The following NCAPG2 variants were observed in gnomAD, a reference collection of about 807,000 sequenced individuals.
NCAPG2 encodes the protein condensin-2 complex subunit G2.
In NCAPG2, 53 loss-of-function variants were observed where a neutral mutation model predicts 141.1. The ratio of observed to expected loss-of-function variants is 0.38; its 90% CI spans 0.30 to 0.47. NCAPG2 has a LOEUF of 0.47. Ranked by LOEUF, NCAPG2 falls within the 20% of genes least tolerant of loss-of-function variation. The pLI is 0.99. For missense variants in NCAPG2, 1,087 were observed against 1,389.0 expected (o/e 0.78, Z 3.46); for synonymous variants, 499 against 490.7 (o/e 1.02, Z -0.22).
chr7:158,666,791 AGAC>A (rs1388761809), intron 13 of NCAPG2, among the ~76,000 whole-genome samples: 1 of 152,122 alleles, frequency 6.6e-6, no homozygotes, highest in African/African-American at 2.4e-5. Flanking sequence ...AATAAAAAGA[AGAC>A]AATGCATTGA....
intron 16 of NCAPG2, among the ~76,000 whole-genome samples, chr7:158,660,479 G>C (rs569955349): frequency 7.2e-6 from 1 of 139,528 alleles, no homozygotes; most frequent in African/African-American, 2.7e-5. Context: ...GAGTGCAGTA[G>C]TATGATCACA....
chr7:158,673,600 T>C (rs1237429314), intron 12 of NCAPG2, among the ~76,000 whole-genome samples: 1 of 152,204 alleles, frequency 6.6e-6, no homozygotes, highest in African/African-American at 2.4e-5. Context: ...CAGGAGCACT[T>C]CCTAATCTGC....
chr7:158,656,037 C>T (rs1299131013), intron 19 of NCAPG2, among the ~76,000 whole-genome samples: 1 of 152,206 alleles, frequency 6.6e-6, no homozygotes, highest in African/African-American at 2.4e-5. Context: ...GCAGGTGCAA[C>T]ACAAATGTGA....
At chr7:158,687,968 G>A (rs1183743851) in intron 6 of NCAPG2, among the ~76,000 whole-genome samples, 1 of 152,060 alleles carries the variant, frequency 6.6e-6, no homozygotes, top group Non-Finnish European at 1.5e-5. Context: ...TAATTTATAT[G>A]CATGCTACTA....
At chr7:158,692,120 C>T (rs1835152129) in intron 4 of NCAPG2, among the ~76,000 whole-genome samples, 1 of 152,120 alleles carries the variant, frequency 6.6e-6, no homozygotes. Flanking sequence ...GCCTGGGCAA[C>T]ACAGTTAGAT....
rs1831440418 is a variant in NCAPG2 at position 158,650,895 on chromosome 7, G to A, written c.3012C>T (p.His1004=). 1.9e-6 allele frequency: 3 copies of A among 1,613,714 alleles called. No homozygotes were observed. Among genetic ancestry groups the A allele is most frequent in the Admixed American group, 1.7e-5 (1 of 59,942 alleles). ...VQSRHTDTPV[H]RGVLSTLIAG... ...CGATCAGAGTAGAAAGTACACCCCGGTGCACAGGGGTGTCTGTGTGCCGAG... is the reference window on the plus strand; with the variant it reads ...CGATCAGAGTAGAAAGTACACCCCGATGCACAGGGGTGTCTGTGTGCCGAG... The change falls in exon 24 of 28, where the codon CAC becomes CAT. Residue 1004 remains histidine, a synonymous_variant. Coordinates refer to ENST00000356309, the MANE Select transcript of NCAPG2 (RefSeq NM_017760.7).
rs1369235813 is a variant in NCAPG2 at position 158,652,404 on chromosome 7, T to C, written c.2823A>G (p.Thr941=). 1 of 1,613,462 alleles carries C rather than the reference T, an allele frequency of 6.2e-7. No individual in the cohort carries two copies. The highest frequency in any genetic ancestry group is 1.3e-5 in the African/African-American group (1 of 74,922). ...GCATTGCAACTTCTTCATCTGAATC[T>C]GTTTTCTGAATCAAGGAACTTCCAG... ...EITGSSLIQK[T]DSDEEVAMLL... is the part of the protein sequence containing the mutation. Residue 941 remains threonine, a synonymous_variant, in exon 23 of 28, where the codon ACA becomes ACG. Coordinates refer to ENST00000356309, the MANE Select transcript of NCAPG2 (RefSeq NM_017760.7).
chr7:158,702,586 T>A (rs972297452), intron 1 of NCAPG2, among the ~76,000 whole-genome samples: 5 of 152,192 alleles, frequency 3.3e-5, no homozygotes, highest in Non-Finnish European at 5.9e-5. Context: ...GTGCTACTGG[T>A]GCCCTACTGA....
At chr7:158,657,484 C>T (rs73514191) in intron 17 of NCAPG2, among the ~76,000 whole-genome samples, 102 of 152,340 alleles carry the variant, frequency 6.7e-4, no homozygotes, top group African/African-American at 2.3e-3. Flanking sequence ...TCTTTCATCA[C>T]GTACTAACTT....
chr7:158,655,427 G>A lies in NCAPG2; in HGVS notation c.2417C>T (p.Pro806Leu), dbSNP rs202181190. ...KADLESLLQT[P>L]GGKPRGFSEA... ...ACTGAAGCCACGAGGCTTCCCACCCGGTGTCTGCAGAAGTGACTCCAGATC... is the reference window on the plus strand; with the variant it reads ...ACTGAAGCCACGAGGCTTCCCACCCAGTGTCTGCAGAAGTGACTCCAGATC... The change falls in exon 20 of 28, where the codon CCG becomes CTG. Residue 806 changes from proline to leucine, a missense_variant. Coordinates refer to ENST00000356309, the MANE Select transcript of NCAPG2 (RefSeq NM_017760.7). 50 of 1,613,906 alleles carry A rather than the reference G, an allele frequency of 3.1e-5. No individual in the cohort carries two copies. Among genetic ancestry groups the A allele is most frequent in the Admixed American group, 2.2e-4 (13 of 60,004 alleles).
intron 13 of NCAPG2, chr7:158,668,362 C>CCTCCGCCCTCT (rs1833425154): frequency 1.0e-6 from 1 of 978,798 alleles, no homozygotes; most frequent in Non-Finnish European, 1.2e-6. Flanking sequence ...CTCCGCCCTC[C>CCTCCGCCCTCT]TTACCCACTA....
Position 158,693,446 on chromosome 7 carries a change from T to C in NCAPG2, c.130A>G (p.Arg44Gly), listed in dbSNP as rs115095115. ...SLNELLDELSRKQKEELWQRL... is the reference protein window; with the variant it reads ...SLNELLDELSGKQKEELWQRL... The stretch of plus-strand genomic sequence containing the variant: ...TGCCATAATTCTTCTTTCTGTTTCC[T>C]TGATAATTCATCTAGTAATTCATTT... Residue 44 changes from arginine (R) to glycine (G), a missense_variant, in exon 3 of 28, where the codon AGG becomes GGG. Arg to Gly is a moderately radical substitution (Grantham distance 125). Coordinates refer to ENST00000356309, the MANE Select transcript of NCAPG2 (RefSeq NM_017760.7). 957 of 1,614,046 alleles carry C rather than the reference T, an allele frequency of 5.9e-4. No individual in the cohort carries two copies. The African/African-American group carries it at 0.011, about 18-fold the overall frequency.
chr7:158,699,126 C>T (rs1347169539), intron 2 of NCAPG2, among the ~76,000 whole-genome samples: 1 of 152,120 alleles, frequency 6.6e-6, no homozygotes, highest in Non-Finnish European at 1.5e-5. Context: ...GTTTTTCTTC[C>T]TCTACCACTA....
chr7:158,667,550 G>GC lies in NCAPG2; in HGVS notation c.1480-2801dup, dbSNP rs775003371. Among the ~76,000 whole-genome samples, 3 of 9,272 alleles carry GC rather than the reference G, an allele frequency of 3.2e-4. 1 individual carries two copies. Among genetic ancestry groups the GC allele is most frequent in the African/African-American group, 5.6e-4 (1 of 1,794 alleles). The allele number at this position is 9,272 out of a possible 152,430, so 6.1% of individuals were successfully genotyped here. ...TTACCTACCCTGTGGCCCTCCACCC[G>GC]CTTACCCACTACTGGGTCCCTCCGC... On this transcript the variant is annotated intron_variant, in intron 13 of 27. Coordinates refer to ENST00000356309, the MANE Select transcript of NCAPG2 (RefSeq NM_017760.7).
chr7:158,704,561 C>G (rs1001380932), intron 1 of NCAPG2, among the ~76,000 whole-genome samples, 163 bp downstream of exon 1: 1 of 152,164 alleles, frequency 6.6e-6, no homozygotes, highest in Non-Finnish European at 1.5e-5. Flanking sequence ...CCAGTTCCGT[C>G]CAGTTCCGTC....
At chr7:158,671,803 A>G in intron 12 of NCAPG2, 137 bp from the exon 13 acceptor site, 1 of 955,518 alleles carries the variant, frequency 1.0e-6, no homozygotes, top group Non-Finnish European at 1.5e-6. Flanking sequence ...CCTATGGAAA[A>G]TACCACTTTT....
intron 16 of NCAPG2, among the ~76,000 whole-genome samples, chr7:158,658,856 G>T (rs977131235): frequency 1.3e-5 from 2 of 152,030 alleles, no homozygotes; most frequent in Non-Finnish European, 2.9e-5. Flanking sequence ...AACAAAATCA[G>T]AATATCTTTA....
chr7:158,633,278 T>G lies in NCAPG2; in HGVS notation c.3381-1561A>C, dbSNP rs1349860444. On this transcript the variant is annotated intron_variant, in intron 27 of 27. Coordinates refer to ENST00000356309, the MANE Select transcript of NCAPG2 (RefSeq NM_017760.7). This position sits in a 1 kb window ranked among gnomAD's most constrained non-coding sequence, Gnocchi z 4.1. Reference sequence around the variant, plus strand: ...TATGTTCTGAGACATCTCTCCAAATTGACCTTTCTGGAATTTGACTATCAC... The same window carrying G: ...TATGTTCTGAGACATCTCTCCAAATGGACCTTTCTGGAATTTGACTATCAC... Among the ~76,000 whole-genome samples the G allele has an allele frequency of 1.7e-5, 2 of 116,406 alleles. No individual in the cohort carries two copies. The highest frequency in any genetic ancestry group is 3.4e-5 in the African/African-American group (1 of 29,374). The allele number at this position is 116,406 out of a possible 152,430, so 76.4% of individuals were successfully genotyped here. A position where few individuals can be genotyped will look rare whatever the true frequency, so the allele number is the denominator to read the frequency against.
intron 21 of NCAPG2, 100 bp downstream of exon 21, chr7:158,655,018 A>G (rs1052312157): frequency 2.9e-6 from 4 of 1,400,576 alleles, no homozygotes; most frequent in Non-Finnish European, 2.9e-6. Context: ...TTTAAGAATA[A>G]CACTAATGTC....
Sources: allele counts gnomAD v4.1 joint callset (sites outside exome capture counted in the v4.1 genomes callset), GRCh38; gene constraint gnomAD v4.1.1; non-coding constraint Gnocchi (gnomAD v3.1); transcripts MANE v1.5; gene names NCBI Gene and HGNC (gene_info 2026-07-23, HGNC 2026-07-21).